The following MDGA2 variants were observed in gnomAD, a reference collection of about 807,000 sequenced individuals.
MDGA2 encodes the protein MAM domain containing glycosylphosphatidylinositol anchor 2.
A neutral mutation model predicts 117.8 loss-of-function variants in MDGA2; 40 were observed. The observed-to-expected ratio is 0.34, with a 90% CI of 0.26 to 0.44. The LOEUF is 0.44. Ranked by LOEUF, MDGA2 falls within the 20% of genes least tolerant of loss-of-function variation. The pLI is 1.00. For synonymous variants in MDGA2, 452 were observed against 439.0 expected (o/e 1.03, Z -0.37); for missense variants, 1,123 against 1,250.6 (o/e 0.90, Z 1.54).
chr14:47,670,095 T>C (rs1350781926), intron 1 of MDGA2, among the ~76,000 whole-genome samples: 1 of 152,192 alleles, frequency 6.6e-6, no homozygotes, highest in East Asian at 1.9e-4. Context: ...TGGGCTGTCA[T>C]TCTTAAATTG....
chr14:47,084,509 A>C (rs954511441), intron 6 of MDGA2, among the ~76,000 whole-genome samples: 6 of 152,206 alleles, frequency 3.9e-5, no homozygotes, highest in Middle Eastern at 3.4e-3. Context: ...AAAAAAAAAA[A>C]AAAAACTGAC....
chr14:47,236,790 T>C (rs1886879863), intron 2 of MDGA2, among the ~76,000 whole-genome samples: 1 of 152,192 alleles, frequency 6.6e-6, no homozygotes, highest in Admixed American at 6.5e-5. Flanking sequence ...CTTTTAGATT[T>C]TGGAAAAGTT....
At chr14:46,967,222 A>G (rs1474595359) in intron 8 of MDGA2, among the ~76,000 whole-genome samples, 1 of 152,070 alleles carries the variant, frequency 6.6e-6, no homozygotes, top group African/African-American at 2.4e-5. Context: ...AGTCCTGTCT[A>G]TTTGGAGGAC....
At chr14:47,587,399 T>C (rs1044011526) in intron 1 of MDGA2, among the ~76,000 whole-genome samples, 2 of 151,892 alleles carry the variant, frequency 1.3e-5, no homozygotes, top group African/African-American at 2.4e-5. Context: ...AAAATATATA[T>C]AATGAGGGCA....
At chr14:47,600,621 C>T (rs1896630463) in intron 1 of MDGA2, among the ~76,000 whole-genome samples, 1 of 151,712 alleles carries the variant, frequency 6.6e-6, no homozygotes, top group Non-Finnish European at 1.5e-5. Flanking sequence ...AAAAGGAATG[C>T]ATCTAAACCC....
intron 4 of MDGA2, among the ~76,000 whole-genome samples, chr14:47,139,893 T>C (rs1442556378): frequency 1.3e-5 from 2 of 148,362 alleles, no homozygotes; most frequent in African/African-American, 4.9e-5. Flanking sequence ...CATATATATA[T>C]ATATATATAC....
At chr14:47,196,671 A>G (rs1308266562) in intron 3 of MDGA2, among the ~76,000 whole-genome samples, 1 of 152,176 alleles carries the variant, frequency 6.6e-6, no homozygotes, top group East Asian at 1.9e-4. Context: ...CAACATAGGC[A>G]TTATTAATTT....
intron 10 of MDGA2, among the ~76,000 whole-genome samples, chr14:46,902,233 G>T (rs1449973546): frequency 6.6e-6 from 1 of 151,896 alleles, no homozygotes; most frequent in Non-Finnish European, 1.5e-5. Context: ...GTTTGCATTT[G>T]AATTGTTATT....
chr14:46,881,997 T>C (rs2138390516), intron 11 of MDGA2, 47 bp downstream of exon 11: 1 of 1,321,218 alleles, frequency 7.6e-7, no homozygotes, highest in Non-Finnish European at 9.9e-7. Context: ...AAATTTTCCA[T>C]ATAGTTAAAT....
At chr14:46,976,797 CT>C (rs1448064547) in intron 8 of MDGA2, among the ~76,000 whole-genome samples, 1 of 151,674 alleles carries the variant, frequency 6.6e-6, no homozygotes, top group African/African-American at 2.4e-5. Context: ...AGAATTGAGT[CT>C]TCAGGAATAT....
At chr14:47,395,383 A>C (rs1218822709) in intron 1 of MDGA2, among the ~76,000 whole-genome samples, 1 of 152,198 alleles carries the variant, frequency 6.6e-6, no homozygotes, top group Non-Finnish European at 1.5e-5. Context: ...TGTTCTTCTC[A>C]GAATAAAAAA....
At chr14:47,564,987 C>CTT (rs200644210) in intron 1 of MDGA2, among the ~76,000 whole-genome samples, 1 of 149,600 alleles carries the variant, frequency 6.7e-6, no homozygotes, top group African/African-American at 2.5e-5. Context: ...AAAATGGCCA[C>CTT]TTTTTTTTTT....
intron 1 of MDGA2, among the ~76,000 whole-genome samples, chr14:47,379,123 A>G (rs547475943): frequency 1.7e-4 from 26 of 152,334 alleles, no homozygotes; most frequent in Non-Finnish European, 2.8e-4. Context: ...ACTAAGCTTC[A>G]TAAGTGAAGG....
At chr14:47,625,101 T>C (rs554895880) in intron 1 of MDGA2, among the ~76,000 whole-genome samples, 37 of 152,284 alleles carry the variant, frequency 2.4e-4, no homozygotes, top group Non-Finnish European at 2.9e-4. Flanking sequence ...TTGCCCTAGA[T>C]TGTATAGGTA....
rs1189612831 is a variant in MDGA2, at chr14:46,998,049, T to C, written c.1819+36962A>G. On this transcript the variant is annotated intron_variant, in intron 8 of 16. Transcript: ENST00000399232. Reference sequence around the variant, plus strand: ...AAAATAAGAAACAAGAGTCAGACATTTAGACAAAGAAATAGATGGAAGAGA... The same window carrying C: ...AAAATAAGAAACAAGAGTCAGACATCTAGACAAAGAAATAGATGGAAGAGA... Among the ~76,000 whole-genome samples the C allele has an allele frequency of 2.0e-5, 3 of 152,080 alleles. No homozygotes were observed. In the East Asian group the frequency reaches 5.8e-4, roughly 29 times the overall value.
chr14:46,903,691 A>G (rs1050215992), intron 10 of MDGA2, among the ~76,000 whole-genome samples: 1 of 152,102 alleles, frequency 6.6e-6, no homozygotes, highest in Non-Finnish European at 1.5e-5. Flanking sequence ...TTAGTCTAAT[A>G]TATGTGCTGG....
At chr14:47,669,633 G>A (rs1009490326) in intron 1 of MDGA2, among the ~76,000 whole-genome samples, 3 of 152,062 alleles carry the variant, frequency 2.0e-5, no homozygotes, top group East Asian at 1.9e-4. Flanking sequence ...TTTCATGATC[G>A]TGGCCATGGT....
At chr14:47,274,405 ATTAG>A (rs1888246055) in intron 2 of MDGA2, among the ~76,000 whole-genome samples, 2 of 151,882 alleles carry the variant, frequency 1.3e-5, no homozygotes, top group African/African-American at 2.4e-5. Context: ...CGCATGTATT[ATTAG>A]TTAATTTATT....
At chr14:47,258,187 A>T (rs1050795721) in intron 2 of MDGA2, among the ~76,000 whole-genome samples, 3 of 152,100 alleles carry the variant, frequency 2.0e-5, no homozygotes, top group African/African-American at 7.2e-5. Flanking sequence ...ACTAATTATG[A>T]TTTCATATTA....
Sources: allele counts gnomAD v4.1 joint callset (sites outside exome capture counted in the v4.1 genomes callset), GRCh38; gene constraint gnomAD v4.1.1; transcripts MANE v1.5; gene names NCBI Gene and HGNC (gene_info 2026-07-23, HGNC 2026-07-21).